The following ABHD8 variants were observed in gnomAD, a reference collection of about 807,000 sequenced individuals.
The protein encoded by ABHD8 is abhydrolase domain containing 8.
In ABHD8, 10 loss-of-function variants were observed where a neutral mutation model predicts 29.3. The ratio of observed to expected loss-of-function variants is 0.34; its 90% CI spans 0.21 to 0.58. The LOEUF (loss-of-function observed/expected upper bound fraction) is 0.58. ABHD8 is among the 20% of genes least tolerant of loss of function. The probability of loss-of-function intolerance (pLI) is 0.85; values close to 1 mark genes in which losing one functional copy is unlikely to be tolerated. For missense variants in ABHD8, 556 were observed against 615.3 expected, an observed-to-expected ratio of 0.90 and a Z score of 1.02; for synonymous variants, 282 against 274.6, an observed-to-expected ratio of 1.03 and a Z score of -0.27.
Position 17,301,627 on chromosome 19 carries a change from G to A in ABHD8, c.-8-3C>T. On this transcript the variant is annotated splice_polypyrimidine_tract_variant and splice_region_variant and intron_variant, in intron 1 of 4. Coordinates refer to ENST00000247706, the MANE Select transcript of ABHD8 (RefSeq NM_024527.5). Reference sequence around the variant, plus strand: ...CACCCCGGTCAGCATGGTGTGTCCTGTGAGTGAGGACAGCAGCCAGTTCAG... The same window carrying A: ...CACCCCGGTCAGCATGGTGTGTCCTATGAGTGAGGACAGCAGCCAGTTCAG... 1 of 1,530,970 alleles carries A rather than the reference G, an allele frequency of 6.5e-7. No individual in the cohort carries two copies. The highest frequency in any genetic ancestry group is 8.8e-7 in the Non-Finnish European group (1 of 1,141,354). The allele number at this position is 1,530,970 out of a possible 1,614,324, so 94.8% of individuals were successfully genotyped here.
chr19:17,301,668 G>A, intron 1 of ABHD8, 44 bp from the exon 2 acceptor site: 1 of 1,500,340 alleles, frequency 6.7e-7, no homozygotes, highest in Non-Finnish European at 8.9e-7. Flanking sequence ...GTCTCAATGA[G>A]AACCCTGCAC....
Position 17,294,420 on chromosome 19 carries a change from C to A in ABHD8, c.1017G>T (p.Arg339=). ...NAFNVSSFVL[R]AMMSGQYWPE... ...GCCAGTACTGGCCGCTCATCATGGCCCGGAGTACGAAGGATGACACGTTGA... is the reference window on the plus strand; with the variant it reads ...GCCAGTACTGGCCGCTCATCATGGCACGGAGTACGAAGGATGACACGTTGA... The change falls in exon 4 of 5, where the codon CGG becomes CGT. Residue 339 remains arginine, a synonymous_variant. Coordinates refer to ENST00000247706, the MANE Select transcript of ABHD8 (RefSeq NM_024527.5). The A allele has an allele frequency of 6.2e-7, 1 of 1,614,106 alleles. No homozygotes were observed. Among genetic ancestry groups the A allele is most frequent in the East Asian group, 2.2e-5 (1 of 44,870 alleles).
At chr19:17,293,073 A>G (rs1463850458) in intron 4 of ABHD8, among the ~76,000 whole-genome samples, 3 of 148,022 alleles carry the variant, frequency 2.0e-5, no homozygotes. Context: ...CAGGAGAAGG[A>G]TTTTCTTCTT....
At chr19:17,300,635 G>C (rs144903901) in intron 2 of ABHD8, among the ~76,000 whole-genome samples, 15 of 152,236 alleles carry the variant, frequency 9.9e-5, no homozygotes, top group Non-Finnish European at 1.8e-4. Flanking sequence ...GTGCCACCAC[G>C]TCTGGCTAAT....
At chr19:17,299,330 G>A (rs2074107092) in intron 2 of ABHD8, among the ~76,000 whole-genome samples, 1 of 151,512 alleles carries the variant, frequency 6.6e-6, no homozygotes, top group African/African-American at 2.4e-5. Flanking sequence ...GGGAGGCCGA[G>A]GAGGGCGAAT....
intron 2 of ABHD8, among the ~76,000 whole-genome samples, chr19:17,299,991 G>A (rs1003232499): frequency 2.0e-5 from 3 of 148,498 alleles, no homozygotes; most frequent in Non-Finnish European, 4.5e-5. Context: ...TGCAAGCTCC[G>A]TCTCCCGTGC....
Position 17,301,399 on chromosome 19 carries a change from G to C in ABHD8, c.218C>G (p.Ser73Cys). 2 of 1,611,970 alleles carry C rather than the reference G, an allele frequency of 1.2e-6. No individual in the cohort carries two copies. The highest frequency in any genetic ancestry group is 1.7e-6 in the Non-Finnish European group (2 of 1,179,912). Reference sequence around the variant, plus strand: ...CCGGCGCTGACAGCGGACCAAGCCGGAGAGGTCCCCCTGGGCTGCATCCGA... The same window carrying C: ...CCGGCGCTGACAGCGGACCAAGCCGCAGAGGTCCCCCTGGGCTGCATCCGA... Reference protein sequence around the residue: ...ASSDAAQGDLSGLVRCQRRIT... With the variant: ...ASSDAAQGDLCGLVRCQRRIT... Residue 73 changes from serine to cysteine, a missense_variant, in exon 2 of 5, where the codon TCC becomes TGC. Ser to Cys is a moderately radical substitution (Grantham distance 112). Around this residue, in one of 2 missense-constraint regions of ABHD8, gnomAD observed 286 missense variants for 261.4 expected, o/e 1.09. Coordinates refer to ENST00000247706, the MANE Select transcript of ABHD8 (RefSeq NM_024527.5).
intron 2 of ABHD8, among the ~76,000 whole-genome samples, chr19:17,295,272 AT>A (rs1456366866): frequency 6.6e-6 from 1 of 150,936 alleles, no homozygotes; most frequent in Non-Finnish European, 1.5e-5. Flanking sequence ...CGCCCGGCTA[AT>A]TTTTTGTATT....
intron 3 of ABHD8, 36 bp from the exon 4 acceptor site, chr19:17,294,540 G>A: frequency 6.2e-7 from 1 of 1,612,622 alleles, no homozygotes; most frequent in Non-Finnish European, 8.5e-7. Flanking sequence ...AGCCCCTTAT[G>A]CCAGCCCGAC....
intron 2 of ABHD8, among the ~76,000 whole-genome samples, chr19:17,299,243 C>CCCCA (rs1555720805): frequency 6.7e-6 from 1 of 148,644 alleles, no homozygotes; most frequent in African/African-American, 2.5e-5. Context: ...GACCCCCCCC[C>CCCCA]CATTCTCTAT....
chr19:17,302,420 C>T (rs771701701), intron 1 of ABHD8, among the ~76,000 whole-genome samples: 1 of 152,236 alleles, frequency 6.6e-6, no homozygotes, highest in South Asian at 2.1e-4. Context: ...GGTATGCACT[C>T]ACTAACTCAC....
chr19:17,296,442 G>A (rs2074094150), intron 2 of ABHD8: 1 of 152,158 alleles, frequency 6.6e-6, no homozygotes, highest in Non-Finnish European at 1.5e-5. Context: ...TTAAACAAAT[G>A]CTTCCGGCTG....
rs774142596 is a variant in ABHD8, at chr19:17,294,438, C to CA, written c.998dup (p.Ser334ValfsTer38). Reference sequence around the variant, plus strand: ...TCATGGCCCGGAGTACGAAGGATGACACGTTGAAAGCGTTGCCCTCCTTTA... The same window carrying CA: ...TCATGGCCCGGAGTACGAAGGATGACAACGTTGAAAGCGTTGCCCTCCTTTA... On this transcript the variant is annotated frameshift_variant, in exon 4 of 5. Transcript: ENST00000247706. LOFTEE classifies it high-confidence loss of function. The CA allele has an allele frequency of 6.2e-7, 1 of 1,614,146 alleles. No homozygotes were observed. The highest frequency in any genetic ancestry group is 1.1e-5 in the South Asian group (1 of 91,092).
intron 3 of ABHD8, 77 bp from the exon 4 acceptor site, chr19:17,294,581 G>A (rs1341563613): frequency 6.8e-6 from 11 of 1,608,756 alleles, no homozygotes; most frequent in Admixed American, 1.7e-5. Flanking sequence ...GCCAGCCCTA[G>A]TCCCAGCGGT....
At chr19:17,300,573 G>A (rs1196654266) in intron 2 of ABHD8, among the ~76,000 whole-genome samples, 1 of 152,128 alleles carries the variant, frequency 6.6e-6, no homozygotes, top group Non-Finnish European at 1.5e-5. Context: ...CACCTCCTCG[G>A]TTCAAGTGAT....
intron 2 of ABHD8, among the ~76,000 whole-genome samples, chr19:17,299,238 C>CG (rs1555720792): frequency 7.1e-6 from 1 of 140,016 alleles, no homozygotes; most frequent in Non-Finnish European, 1.6e-5. Context: ...AATGAGACCC[C>CG]CCCCCCATTC....
chr19:17,302,451 G>A (rs2074124990), intron 1 of ABHD8, among the ~76,000 whole-genome samples: 1 of 152,162 alleles, frequency 6.6e-6, no homozygotes, highest in African/African-American at 2.4e-5. Context: ...GGCCTCCTAA[G>A]GCATCTAAAA....
chr19:17,299,323 A>G (rs2074107045), intron 2 of ABHD8, among the ~76,000 whole-genome samples: 1 of 147,112 alleles, frequency 6.8e-6, no homozygotes, highest in Non-Finnish European at 1.5e-5. Flanking sequence ...GCGCTTTGGG[A>G]GGCCGAGGAG....
chr19:17,294,479 T>C lies in ABHD8; in HGVS notation c.958A>G (p.Lys320Glu). ...LKAGFARQGAKEKQLLKEGNA... is the reference protein window; with the variant it reads ...LKAGFARQGAEEKQLLKEGNA... ...CCCTCCTTTAACAGCTGCTTCTCCT[T>C]GGCTCCTTGGCGGGCGAAGCCGGCC... Residue 320 changes from lysine (K) to glutamate (E), a missense_variant, in exon 4 of 5, where the codon AAG becomes GAG. By Grantham distance (56) the Lys-to-Glu change is moderately conservative. Transcript: ENST00000247706. The C allele has an allele frequency of 6.2e-7, 1 of 1,614,154 alleles. No homozygotes were observed. Among genetic ancestry groups the C allele is most frequent in the South Asian group, 1.1e-5 (1 of 91,088 alleles).
Sources: allele counts gnomAD v4.1 joint callset (sites outside exome capture counted in the v4.1 genomes callset), GRCh38; gene constraint gnomAD v4.1.1; regional missense constraint gnomAD v4.1.1; transcripts MANE v1.5; gene names NCBI Gene and HGNC (gene_info 2026-07-23, HGNC 2026-07-21).